Variants in ARFGEF3 observed in about 807,000 individuals in gnomAD.
ARFGEF3 encodes brefeldin A-inhibited guanine nucleotide-exchange protein 3.
Under a neutral mutation model 221.7 loss-of-function variants are expected in ARFGEF3, and 96 were observed. The ratio of observed to expected loss-of-function variants is 0.43; its 90% CI spans 0.37 to 0.51. ARFGEF3 has a LOEUF of 0.51. Ranked by LOEUF, ARFGEF3 falls within the 20% of genes least tolerant of loss-of-function variation. The probability of loss-of-function intolerance (pLI) is 0.00; values close to 1 mark genes in which losing one functional copy is unlikely to be tolerated. For synonymous variants in ARFGEF3, 1,145 were observed against 1,126.8 expected, an observed-to-expected ratio of 1.02 and a Z score of -0.32; for missense variants, 2,410 against 2,789.9, an observed-to-expected ratio of 0.86 and a Z score of 3.07.
At chr6:138,309,677 T>C (rs1316560630) in intron 24 of ARFGEF3, among the ~76,000 whole-genome samples, 1 of 152,208 alleles carries the variant, frequency 6.6e-6, no homozygotes, top group South Asian at 2.1e-4. Flanking sequence ...GCCGATAACA[T>C]GGCTCAGTTC....
chr6:138,186,048 G>A (rs901491373), intron 2 of ARFGEF3, among the ~76,000 whole-genome samples: 11 of 152,330 alleles, frequency 7.2e-5, no homozygotes, highest in African/African-American at 2.6e-4. Context: ...ATATAGGTCT[G>A]ACTCGAAAAT....
rs745635796 is a variant in ARFGEF3, at chr6:138,324,079, G to A, written c.4926G>A (p.Gln1642=). ...AGAGCTTCAGCGGGGAAGGCTGCCA[G>A]GTGCGAGTGGCGGCCCCGTCCTCCT... ...GTESFSGEGC[Q]VRVAAPSSSP... Residue 1642 remains glutamine (Q), a synonymous_variant, in exon 31 of 34, where the codon CAG becomes CAA. Coordinates refer to ENST00000251691, the MANE Select transcript of ARFGEF3 (RefSeq NM_020340.5). 5 of 1,613,940 alleles carry A rather than the reference G, an allele frequency of 3.1e-6. No individual in the cohort carries two copies. The highest frequency in any genetic ancestry group is 4.2e-6 in the Non-Finnish European group (5 of 1,179,894).
rs1298510074 is a variant in ARFGEF3 at position 138,313,843 on chromosome 6, G to A, written c.4249G>A (p.Gly1417Arg). Residue 1417 changes from glycine (G) to arginine (R), a missense_variant, in exon 26 of 34, where the codon GGG (glycine) becomes AGG (arginine). By Grantham distance (125) the Gly-to-Arg change is moderately radical. Around this residue, in one of 5 missense-constraint regions of ARFGEF3, gnomAD observed 723 missense variants for 991.9 expected, o/e 0.73. Transcript: ENST00000251691. ...GCCCTTGAAGCCAATATTCCTTAGTGGGAGACTTGCCGGCTTGCCTCGAAG... is the reference window on the plus strand; with the variant it reads ...GCCCTTGAAGCCAATATTCCTTAGTAGGAGACTTGCCGGCTTGCCTCGAAG... ...KMPLKPIFLS[G>R]RLAGLPRRLQ... 5 of 1,613,918 alleles carry A rather than the reference G, an allele frequency of 3.1e-6. No individual in the cohort carries two copies. Among genetic ancestry groups the A allele is most frequent in the Non-Finnish European group, 4.2e-6 (5 of 1,179,844 alleles).
At chr6:138,185,585 T>G (rs6937777) in intron 2 of ARFGEF3, among the ~76,000 whole-genome samples, 2,400 of 152,272 alleles carry the variant, frequency 0.016, 33 homozygotes, top group Middle Eastern at 0.058. Flanking sequence ...GTAAGATAAA[T>G]AGTTGAAGTT....
intron 5 of ARFGEF3, 53 bp from the exon 6 acceptor site, chr6:138,238,456 G>GTAAT: frequency 2.5e-6 from 4 of 1,574,938 alleles, no homozygotes; most frequent in Non-Finnish European, 2.6e-6. Flanking sequence ...AAGAATGTTG[G>GTAAT]TAATAAGCTG....
intron 2 of ARFGEF3, among the ~76,000 whole-genome samples, chr6:138,174,469 TAAAAAAAAAAAAAAAAA>T (rs35236693): frequency 3.3e-3 from 84 of 25,306 alleles, no homozygotes; most frequent in South Asian, 0.013. Context: ...GAGCATCTGC[TAAAAAAAAAAAAAAAAA>T]AAAAAAAAAA....
chr6:138,280,139 C>A lies in ARFGEF3; in HGVS notation c.2436C>A (p.Ser812Arg), dbSNP rs1251166078. Residue 812 changes from serine (S) to arginine (R), a missense_variant, in exon 14 of 34, where the codon AGC becomes AGA. By Grantham distance (110) the Ser-to-Arg change is moderately radical. Coordinates refer to ENST00000251691, the MANE Select transcript of ARFGEF3 (RefSeq NM_020340.5). ...AGYWGSPEDN[S>R]LPLITMLTDI... ...ATTGGGGCAGCCCAGAAGATAACAG[C>A]CTTCCCCTCATCACAATGCTGACCG... The A allele has an allele frequency of 6.2e-7, 1 of 1,613,746 alleles. No homozygotes were observed. Among genetic ancestry groups the A allele is most frequent in the African/African-American group, 1.3e-5 (1 of 75,016 alleles).
At chr6:138,256,858 C>T (rs1384907813) in intron 10 of ARFGEF3, among the ~76,000 whole-genome samples, 2 of 152,090 alleles carry the variant, frequency 1.3e-5, no homozygotes, top group Non-Finnish European at 2.9e-5. Flanking sequence ...AATCATGGCT[C>T]AATGCAGCAT....
chr6:138,229,956 T>C, intron 5 of ARFGEF3, 104 bp downstream of exon 5: 1 of 920,112 alleles, frequency 1.1e-6, no homozygotes. Flanking sequence ...TGAATCCTTC[T>C]CTGATTACTA....
intron 6 of ARFGEF3, among the ~76,000 whole-genome samples, chr6:138,242,173 A>G (rs973801554): frequency 6.6e-6 from 1 of 152,230 alleles, no homozygotes; most frequent in African/African-American, 2.4e-5. Context: ...GGGATGAGTT[A>G]CGTGTCCGGT....
intron 9 of ARFGEF3, among the ~76,000 whole-genome samples, chr6:138,254,841 T>C (rs925733773): frequency 3.3e-5 from 5 of 152,250 alleles, no homozygotes; most frequent in African/African-American, 9.6e-5. Flanking sequence ...GTTTATATCA[T>C]AGGATCATGA....
chr6:138,244,517 G>T (rs1434877406), intron 7 of ARFGEF3, among the ~76,000 whole-genome samples: 1 of 152,208 alleles, frequency 6.6e-6, no homozygotes, highest in African/African-American at 2.4e-5. Flanking sequence ...AGCAGTTTTC[G>T]ATATGTAGTT....
intron 12 of ARFGEF3, among the ~76,000 whole-genome samples, chr6:138,277,384 A>T (rs762710728): frequency 2.0e-5 from 3 of 152,206 alleles, no homozygotes; most frequent in Non-Finnish European, 4.4e-5. Context: ...TGGGCGCTTC[A>T]GTTGTTTCCA....
At position 138,267,253 on chromosome 6, in the gene ARFGEF3, G is replaced by A. The variant is rs181424771; in HGVS notation, c.2128+3642G>A. 5.3e-5 allele frequency among the ~76,000 whole-genome samples: 8 copies of A among 152,058 alleles called. No individual in the cohort carries two copies. In the East Asian group the frequency reaches 5.8e-4, roughly 11 times the overall value. ...AGCCTGGCCAACATGGCAAAACCCC[G>A]CCTCTACTAAAAAGACAAAAAATTA... On this transcript the variant is annotated intron_variant, in intron 12 of 33. Transcript: ENST00000251691.
intron 1 of ARFGEF3, among the ~76,000 whole-genome samples, chr6:138,166,944 G>C (rs1048790830): frequency 1.3e-5 from 2 of 152,154 alleles, no homozygotes; most frequent in Admixed American, 6.5e-5. Context: ...TGTAGAAATT[G>C]TATCTGTGTT....
chr6:138,249,947 G>A lies in ARFGEF3; in HGVS notation c.666-3933G>A, dbSNP rs555595275. Among the ~76,000 whole-genome samples the A allele has an allele frequency of 5.3e-5, 8 of 152,180 alleles. No individual in the cohort carries two copies. The South Asian group carries it at 6.2e-4, about 12-fold the overall frequency. Reference sequence around the variant, plus strand: ...TATGTCCACCTGGTAAGATAGTCCCGTGCACCAGCTGCTCTCAGTCTGGTG... The same window carrying A: ...TATGTCCACCTGGTAAGATAGTCCCATGCACCAGCTGCTCTCAGTCTGGTG... On this transcript the variant is annotated intron_variant, in intron 8 of 33. Transcript: ENST00000251691.
chr6:138,286,226 A>G (rs1442226939), intron 15 of ARFGEF3, among the ~76,000 whole-genome samples, 173 bp downstream of exon 15: 5 of 152,194 alleles, frequency 3.3e-5, no homozygotes, highest in Non-Finnish European at 7.3e-5. Flanking sequence ...CGAGGCGGGC[A>G]GATCACGAGG....
chr6:138,293,907 C>T (rs1245323752), intron 19 of ARFGEF3, 86 bp from the exon 20 acceptor site: 3 of 1,349,278 alleles, frequency 2.2e-6, no homozygotes, highest in Non-Finnish European at 3.1e-6. Flanking sequence ...CCATTAATCA[C>T]ATCAACAAAA....
intron 22 of ARFGEF3, among the ~76,000 whole-genome samples, chr6:138,305,084 A>AG (rs1779695704): frequency 6.6e-6 from 1 of 152,000 alleles, no homozygotes; most frequent in African/African-American, 2.4e-5. Context: ...AAAAAAAAAA[A>AG]AAACCTTCCC....
Sources: allele counts gnomAD v4.1 joint callset (sites outside exome capture counted in the v4.1 genomes callset), GRCh38; gene constraint gnomAD v4.1.1; regional missense constraint gnomAD v4.1.1; transcripts MANE v1.5; gene names NCBI Gene and HGNC (gene_info 2026-07-23, HGNC 2026-07-21).